The following ZDHHC11 variants were observed in gnomAD, a reference collection of about 807,000 sequenced individuals.
The protein encoded by ZDHHC11 is zDHHC palmitoyltransferase 11, also known as palmitoyltransferase ZDHHC11.
ZDHHC11 carries 44 observed loss-of-function variants against 51.3 expected under a neutral mutation model. That is an observed-to-expected ratio of 0.86 (90% CI 0.67 to 1.10). The LOEUF (loss-of-function observed/expected upper bound fraction) is 1.10. Among genes scored for constraint, ZDHHC11 ranks in the 50% least tolerant of loss-of-function variants. ZDHHC11 has a pLI of 0.00. For missense variants in ZDHHC11, 400 were observed against 537.7 expected (o/e 0.74, Z 2.53); for synonymous variants, 163 against 222.0 (o/e 0.73, Z 2.36).
At chr5:854,618 C>T (rs1318189921), upstream of ZDHHC11, among the ~76,000 whole-genome samples, 4 of 150,720 alleles carry the variant, frequency 2.7e-5, no homozygotes, top group African/African-American at 9.8e-5. Context: ...GCACAGACCC[C>T]ACAGAGGACA....
intron 6 of ZDHHC11, among the ~76,000 whole-genome samples, chr5:835,779 T>C (rs1364659433): frequency 6.6e-6 from 1 of 151,982 alleles, no homozygotes; most frequent in Admixed American, 6.6e-5. Flanking sequence ...CTCTCAGTCA[T>C]GGTGTGTAGC....
At chr5:811,199 A>G in intron 11 of ZDHHC11, among the ~76,000 whole-genome samples, 1 of 140,854 alleles carries the variant, frequency 7.1e-6, no homozygotes, top group Non-Finnish European at 1.5e-5. Flanking sequence ...CATTCTTGCC[A>G]GAAATGGATA....
At chr5:812,349 A>T (rs190442386) in intron 11 of ZDHHC11, among the ~76,000 whole-genome samples, 10 of 152,190 alleles carry the variant, frequency 6.6e-5, no homozygotes, top group African/African-American at 2.4e-4. Context: ...TCAGAGAATT[A>T]CTATCCCTAA....
In ZDHHC11 at chr5:850,450, G is replaced by C; in HGVS notation, c.153C>G (p.Gly51=). The C allele has an allele frequency of 6.2e-7, 1 of 1,613,648 alleles. No individual in the cohort carries two copies. The highest frequency in any genetic ancestry group is 1.1e-5 in the South Asian group (1 of 91,092). The change falls in exon 1 of 13, where the codon GGC becomes GGG. Residue 51 remains glycine (G), a synonymous_variant. Transcript: ENST00000283441. ...AGATCCCGAAGGTGGCCGAGGAAAG[G>C]CCCACGAAGACAGCCCAGGTCACCA... The part of the protein sequence containing the change: ...FQVVTWAVFV[G]LSSATFGIFI...
chr5:845,035 A>T (rs1450689735), intron 3 of ZDHHC11, among the ~76,000 whole-genome samples: 1 of 152,296 alleles, frequency 6.6e-6, no homozygotes, highest in Non-Finnish European at 1.5e-5. Context: ...TCTATTTTCA[A>T]CTGGAGGCCA....
chr5:816,608 A>C, intron 10 of ZDHHC11: 2 of 628,322 alleles, frequency 3.2e-6, no homozygotes, highest in South Asian at 2.7e-5. Context: ...CATCTGTACA[A>C]TCTCCTGTTG....
chr5:859,996 C>T (rs1017841283), upstream of ZDHHC11, among the ~76,000 whole-genome samples: 10 of 152,220 alleles, frequency 6.6e-5, no homozygotes, highest in Non-Finnish European at 1.2e-4. Context: ...GTGAGGGAGT[C>T]GTCCACAGTC....
chr5:821,855 A>T lies in ZDHHC11; in HGVS notation c.1058+6T>A, dbSNP rs2150336840. ...TAAAATAATCCCATTAAACTTACAA[A>T]CTCACCCAAGTGCAGATGGACACGG... On this transcript the variant is annotated splice_donor_region_variant and intron_variant, in intron 9 of 12. Transcript: ENST00000283441. 1.9e-6 allele frequency: 3 copies of T among 1,602,912 alleles called. No homozygotes were observed. The highest frequency in any genetic ancestry group is 4.5e-5 in the East Asian group (2 of 44,820).
At chr5:833,613 TAAC>T (rs1185058900) in intron 7 of ZDHHC11, among the ~76,000 whole-genome samples, 157 bp downstream of exon 7, 1 of 150,516 alleles carries the variant, frequency 6.6e-6, no homozygotes, top group African/African-American at 2.4e-5. Context: ...TGGTATAATT[TAAC>T]AACATTAAAC....
intron 6 of ZDHHC11, among the ~76,000 whole-genome samples, chr5:836,641 G>A (rs541198333): frequency 6.7e-6 from 1 of 149,508 alleles, no homozygotes; most frequent in African/African-American, 2.5e-5. Flanking sequence ...TTCACTGGGA[G>A]ATTTTAAATT....
intron 11 of ZDHHC11, among the ~76,000 whole-genome samples, chr5:803,022 A>G (rs1388993896): frequency 6.8e-6 from 1 of 146,730 alleles, no homozygotes; most frequent in African/African-American, 2.5e-5. Context: ...CTCTATCTCA[A>G]AAAAAAAAAA....
intron 12 of ZDHHC11, among the ~76,000 whole-genome samples, chr5:799,045 T>TG (rs1181213153): frequency 6.6e-6 from 1 of 151,664 alleles, no homozygotes; most frequent in Non-Finnish European, 1.5e-5. Flanking sequence ...CTCTTTGCTG[T>TG]GGTTTGGACA....
upstream of ZDHHC11, among the ~76,000 whole-genome samples, chr5:855,178 A>G (rs1462225865): frequency 2.4e-5 from 3 of 126,252 alleles, no homozygotes; most frequent in South Asian, 5.8e-4. Context: ...CAGAGAACAG[A>G]GAGCCGGGGA....
intron 3 of ZDHHC11, among the ~76,000 whole-genome samples, chr5:845,665 G>A (rs1230498279): frequency 9.8e-3 from 1,307 of 134,002 alleles, no homozygotes; most frequent in African/African-American, 0.026. Flanking sequence ...CCATCAGCTC[G>A]GCCTCCCTCG....
chr5:818,667 C>T (rs1392944291), intron 10 of ZDHHC11, among the ~76,000 whole-genome samples: 2 of 151,486 alleles, frequency 1.3e-5, no homozygotes, highest in African/African-American at 2.4e-5. Context: ...CAAACCAGCA[C>T]GGGCAACAGA....
At chr5:844,876 T>C (rs1745872550) in intron 3 of ZDHHC11, among the ~76,000 whole-genome samples, 1 of 152,302 alleles carries the variant, frequency 6.6e-6, no homozygotes, top group East Asian at 1.9e-4. Context: ...CAAAAACCAA[T>C]TCTGGGCAGC....
intron 10 of ZDHHC11, chr5:816,661 T>G: frequency 1.6e-6 from 1 of 623,776 alleles, no homozygotes; most frequent in Non-Finnish European, 3.1e-6. Flanking sequence ...TGCATCCCTT[T>G]CCAGAGTCCA....
At chr5:820,199 G>A (rs6870747) in intron 9 of ZDHHC11, among the ~76,000 whole-genome samples, 51,847 of 150,778 alleles carry the variant, frequency 0.34, 14,382 homozygotes, top group African/African-American at 0.76. Flanking sequence ...AAGCATTTTT[G>A]TATTTTACTT....
intron 1 of ZDHHC11, among the ~76,000 whole-genome samples, chr5:857,810 C>T (rs770710737): frequency 6.0e-5 from 9 of 148,870 alleles, no homozygotes; most frequent in Non-Finnish European, 1.2e-4. Flanking sequence ...ACACCGTGGT[C>T]CCCTGAGTCT....
Sources: allele counts gnomAD v4.1 joint callset (sites outside exome capture counted in the v4.1 genomes callset), GRCh38; gene constraint gnomAD v4.1.1; transcripts MANE v1.5; gene names NCBI Gene and HGNC (gene_info 2026-07-23, HGNC 2026-07-21).